The following EXOC2 variants were observed in gnomAD, a reference collection of about 807,000 sequenced individuals.
EXOC2 encodes exocyst complex component 2.
In EXOC2, 70 loss-of-function variants were observed where a neutral mutation model predicts 131.8. That is an observed-to-expected ratio of 0.53 (90% CI 0.44 to 0.65). The LOEUF (loss-of-function observed/expected upper bound fraction) is 0.65. Among genes scored for constraint, EXOC2 ranks in the 30% least tolerant of loss-of-function variants. EXOC2 has a pLI of 0.00. For synonymous variants in EXOC2, 411 were observed against 398.4 expected (o/e 1.03, Z -0.38); for missense variants, 923 against 1,108.6 (o/e 0.83, Z 2.38).
At chr6:585,806 T>C (rs1165207239) in intron 11 of EXOC2, among the ~76,000 whole-genome samples, 2 of 152,250 alleles carry the variant, frequency 1.3e-5, no homozygotes, top group Non-Finnish European at 2.9e-5. Context: ...GAAATATTTA[T>C]AGTCTATCCA....
At chr6:542,872 G>A (rs1374423342) in intron 22 of EXOC2, among the ~76,000 whole-genome samples, 2 of 152,204 alleles carry the variant, frequency 1.3e-5, no homozygotes, top group Non-Finnish European at 2.9e-5. Flanking sequence ...AGGCAAGAGA[G>A]CCAGATGAAA....
chr6:624,863 CATT>C (rs1456256930), intron 4 of EXOC2, among the ~76,000 whole-genome samples: 1 of 152,188 alleles, frequency 6.6e-6, no homozygotes, highest in East Asian at 1.9e-4. Context: ...TCGGATTCTA[CATT>C]TCCAAGTGAA....
At chr6:688,740 A>G (rs1006930922) in intron 1 of EXOC2, among the ~76,000 whole-genome samples, 5 of 152,120 alleles carry the variant, frequency 3.3e-5, no homozygotes, top group Admixed American at 3.3e-4. Flanking sequence ...CACTCCTTGT[A>G]TATTCCCTAA....
At chr6:675,068 T>C (rs1477272370) in intron 1 of EXOC2, among the ~76,000 whole-genome samples, 1 of 152,142 alleles carries the variant, frequency 6.6e-6, no homozygotes, top group Non-Finnish European at 1.5e-5. Flanking sequence ...TTTCCCTGGC[T>C]CCCTCTGCCT....
intron 1 of EXOC2, among the ~76,000 whole-genome samples, chr6:658,649 ATATATATATATATATATT>A (rs1561983258): frequency 1.0e-4 from 7 of 68,278 alleles, no homozygotes; most frequent in African/African-American, 3.4e-4. Flanking sequence ...TATATTTTAT[ATATATATATATATATATT>A]TTTTTTTTTT....
At chr6:642,395 G>A (rs9378989) in intron 1 of EXOC2, among the ~76,000 whole-genome samples, 107,753 of 152,078 alleles carry the variant, frequency 0.71, 38,811 homozygotes, top group Middle Eastern at 0.88. Context: ...TCTAGCTGGT[G>A]TCCGCTGGAG....
intron 12 of EXOC2, 62 bp from the exon 13 acceptor site, chr6:572,706 C>T: frequency 6.4e-7 from 1 of 1,568,620 alleles, no homozygotes; most frequent in Non-Finnish European, 8.6e-7. Flanking sequence ...CACCTTTGAG[C>T]ATATTGGCGC....
intron 25 of EXOC2, among the ~76,000 whole-genome samples, chr6:492,719 A>G (rs1178084189): frequency 6.6e-6 from 1 of 152,194 alleles, no homozygotes; most frequent in Non-Finnish European, 1.5e-5. Flanking sequence ...TAGAAAGCCA[A>G]TTGGTAGTTG....
intron 18 of EXOC2, 100 bp from the exon 19 acceptor site, chr6:556,113 C>A: frequency 9.4e-7 from 1 of 1,068,552 alleles, no homozygotes. Context: ...AACGCTGCTG[C>A]AGGAGTGGTG....
chr6:545,642 G>A (rs1756809271), intron 22 of EXOC2, among the ~76,000 whole-genome samples: 1 of 152,158 alleles, frequency 6.6e-6, no homozygotes, highest in East Asian at 1.9e-4. Flanking sequence ...TTAAAAAGAT[G>A]ACAGAAATGT....
At chr6:621,284 C>T (rs1299987687) in intron 4 of EXOC2, among the ~76,000 whole-genome samples, 2 of 152,216 alleles carry the variant, frequency 1.3e-5, no homozygotes, top group Non-Finnish European at 2.9e-5. Flanking sequence ...AAGACGGTCA[C>T]ATGCTCTGCA....
rs1462909851 is a variant in EXOC2 at position 532,584 on chromosome 6, T to C, written c.2265A>G (p.Leu755=). 6.3e-7 allele frequency: 1 copy of C among 1,599,980 alleles called. No homozygotes were observed. Among genetic ancestry groups the C allele is most frequent in the Admixed American group, 1.8e-5 (1 of 57,054 alleles). ...TGTAATTTTCAAAGAGTCTTTGATC[T>C]AGTTCTTTCAATGAGGCCATGCTAA... is the stretch of plus-strand genomic sequence containing the variant. ...TQVSMASLKE[L]DQRLFENYIE... is the part of the protein sequence containing the mutation. Residue 755 remains leucine (L), a synonymous_variant, in exon 23 of 28, where the codon CTA becomes CTG. Transcript: ENST00000230449.
chr6:537,326 G>T (rs1472303745), intron 22 of EXOC2, among the ~76,000 whole-genome samples: 2 of 151,060 alleles, frequency 1.3e-5, no homozygotes, highest in Non-Finnish European at 2.9e-5. Context: ...GATGACGGCC[G>T]ACGGAGCGTA....
At chr6:495,156 C>T (rs113980341) in intron 25 of EXOC2, among the ~76,000 whole-genome samples, 1,611 of 144,808 alleles carry the variant, frequency 0.011, 30 homozygotes, top group African/African-American at 0.037. Flanking sequence ...GACGGAGTCT[C>T]GCTCTTTCGT....
At chr6:685,113 C>T (rs891292882) in intron 1 of EXOC2, among the ~76,000 whole-genome samples, 1 of 148,044 alleles carries the variant, frequency 6.8e-6, no homozygotes, top group South Asian at 2.2e-4. Flanking sequence ...TGATTTTCCC[C>T]ACAATCATTT....
intron 3 of EXOC2, among the ~76,000 whole-genome samples, chr6:630,663 G>A (rs1287354204): frequency 6.6e-6 from 1 of 151,992 alleles, no homozygotes; most frequent in Non-Finnish European, 1.5e-5. Context: ...TACAAACTCT[G>A]GCATGTTTTC....
intron 1 of EXOC2, among the ~76,000 whole-genome samples, chr6:658,665 A>ATTTTATATATATATATATATATAT (rs1763264940): frequency 8.7e-6 from 1 of 115,546 alleles, no homozygotes; most frequent in Admixed American, 8.9e-5. Context: ...ATATATATAT[A>ATTTTATATATATATATATATATAT]TTTTTTTTTT....
chr6:568,571 C>T (rs1183992792), intron 13 of EXOC2, among the ~76,000 whole-genome samples: 1 of 152,084 alleles, frequency 6.6e-6, no homozygotes, highest in East Asian at 1.9e-4. Context: ...GCATACACAT[C>T]CTATTGGTTC....
intron 4 of EXOC2, among the ~76,000 whole-genome samples, chr6:626,298 T>C (rs766376322): frequency 3.8e-4 from 58 of 152,310 alleles, no homozygotes; most frequent in South Asian, 6.2e-4. Flanking sequence ...AAATGCCACG[T>C]TGTTAAACTT....
Sources: allele counts gnomAD v4.1 joint callset (sites outside exome capture counted in the v4.1 genomes callset), GRCh38; gene constraint gnomAD v4.1.1; transcripts MANE v1.5; gene names NCBI Gene and HGNC (gene_info 2026-07-23, HGNC 2026-07-21).